DNAH1: variants seen among roughly 807,000 people sequenced by gnomAD.
The protein encoded by DNAH1 is dynein axonemal heavy chain 1.
Under a neutral mutation model 484.3 loss-of-function variants are expected in DNAH1, and 327 were observed. That is an observed-to-expected ratio of 0.68 (90% CI 0.62 to 0.74). The LOEUF (loss-of-function observed/expected upper bound fraction) is 0.74, where lower values mean the gene tolerates loss of function less well. Among genes scored for constraint, DNAH1 ranks in the 30% least tolerant of loss-of-function variants. The probability of loss-of-function intolerance (pLI) is 0.00; values close to 1 mark genes in which losing one functional copy is unlikely to be tolerated. For synonymous variants in DNAH1, 2,192 were observed against 2,191.9 expected, an observed-to-expected ratio of 1.00 and a Z score of 0.00; for missense variants, 5,052 against 5,546.8, an observed-to-expected ratio of 0.91 and a Z score of 2.83.
intron 44 of DNAH1, chr3:52,374,207 C>G: frequency 7.5e-7 from 1 of 1,336,982 alleles, no homozygotes; most frequent in Non-Finnish European, 1.1e-6. Context: ...TGAAACAGAG[C>G]ATCATAATGG....
chr3:52,378,541 C>T (rs1703702292), intron 46 of DNAH1, 61 bp from the exon 47 acceptor site: 1 of 1,567,220 alleles, frequency 6.4e-7, no homozygotes. Flanking sequence ...AGGTCAGGAC[C>T]TGCAGAGGCG....
chr3:52,337,142 C>T lies in DNAH1; in HGVS notation c.1286+4748C>T, dbSNP rs145074107. On this transcript the variant is annotated intron_variant, in intron 8 of 77. Transcript: ENST00000420323. ...TGTAGTTCTTCTAGAGATCATTTAC[C>T]TCCTTGGTTAAATGTATTCCTAGGT... 3.9e-3 allele frequency among the ~76,000 whole-genome samples: 597 copies of T among 152,276 alleles called. 5 individuals carry two copies. Among genetic ancestry groups the T allele is most frequent in the South Asian group, 0.023 (112 of 4,818 alleles).
chr3:52,395,686 G>A lies in DNAH1; in HGVS notation c.11259+8G>A, dbSNP rs749425109. The A allele has an allele frequency of 1.2e-6, 2 of 1,612,064 alleles. No individual in the cohort carries two copies. The highest frequency in any genetic ancestry group is 2.2e-5 in the East Asian group (1 of 44,814). On this transcript the variant is annotated splice_region_variant and intron_variant, in intron 70 of 77. Coordinates refer to ENST00000420323, the MANE Select transcript of DNAH1 (RefSeq NM_015512.5). The surrounding 1 kb of genome is among the most constrained non-coding windows in gnomAD (Gnocchi z 4.4). ...CACATCAACCCCGACAAGGTGTGTT[G>A]CCCTGCCCATCACAGACCCAGTGGG...
In DNAH1 at chr3:52,366,464, G is replaced by C; in HGVS notation, c.5526G>C (p.Leu1842=). 6.3e-7 allele frequency: 1 copy of C among 1,595,658 alleles called. No individual in the cohort carries two copies. The highest frequency in any genetic ancestry group is 1.1e-5 in the South Asian group (1 of 87,406). The change falls in exon 35 of 78, where the codon CTG becomes CTC. Residue 1842 remains leucine (L), a synonymous_variant. Transcript: ENST00000420323. ...CCATGCCATGTCCCCCAGGCTTCCT[G>C]ACAAAGTGCATCCAGCTCTACGAGA... The part of the protein sequence containing the change: ...NSNLKDVEGF[L]TKCIQLYETT...
At chr3:52,365,696 C>T (rs1467130803) in intron 34 of DNAH1, among the ~76,000 whole-genome samples, 1 of 152,162 alleles carries the variant, frequency 6.6e-6, no homozygotes, top group Non-Finnish European at 1.5e-5. Flanking sequence ...AAGCCATGGC[C>T]AGTCACCCTG....
chr3:52,323,959 T>C (rs1227587454), intron 3 of DNAH1, 79 bp downstream of exon 3: 4 of 1,142,364 alleles, frequency 3.5e-6, no homozygotes, highest in Non-Finnish European at 3.8e-6. Flanking sequence ...GAGACAGCCT[T>C]TTCTTGGCTG....
intron 71 of DNAH1, 33 bp from the exon 72 acceptor site, chr3:52,396,585 C>T (rs1329443431): frequency 2.5e-6 from 4 of 1,611,142 alleles, no homozygotes; most frequent in East Asian, 4.5e-5. Flanking sequence ...CCCGTCCCCG[C>T]TCCTCACCTC....
Position 52,395,126 on chromosome 3 carries a change from G to A in DNAH1, c.10968+67G>A, listed in dbSNP as rs1441199290. ...TCCCCACCCTGGGTCCCAGGGCCCT[G>A]GCTGCATCTGGATAGACTACTTGGC... is the stretch of plus-strand genomic sequence containing the variant. On this transcript the variant is annotated intron_variant, in intron 68 of 77. Coordinates refer to ENST00000420323, the MANE Select transcript of DNAH1 (RefSeq NM_015512.5). This position sits in a 1 kb window ranked among gnomAD's most constrained non-coding sequence, Gnocchi z 4.4. 1 of 1,548,682 alleles carries A rather than the reference G, an allele frequency of 6.5e-7. No homozygotes were observed. Among genetic ancestry groups the A allele is most frequent in the Admixed American group, 1.9e-5 (1 of 52,256 alleles).
At chr3:52,327,688 G>A (rs1225825713) in intron 5 of DNAH1, among the ~76,000 whole-genome samples, 194 bp from the exon 6 acceptor site, 1 of 152,176 alleles carries the variant, frequency 6.6e-6, no homozygotes, top group Non-Finnish European at 1.5e-5. Context: ...AGCAGCAGTG[G>A]AGAGGCTCAA....
Position 52,395,078 on chromosome 3 carries a change from G to T in DNAH1, c.10968+19G>T, listed in dbSNP as rs779669068. ...ACCCCAGGCAAGTGCTGGAACCCTGGCAGGACTGGCACCTTGAGCTTGTCC... is the reference window on the plus strand; with the variant it reads ...ACCCCAGGCAAGTGCTGGAACCCTGTCAGGACTGGCACCTTGAGCTTGTCC... On this transcript the variant is annotated intron_variant, in intron 68 of 77. Transcript: ENST00000420323. This position sits in a 1 kb window ranked among gnomAD's most constrained non-coding sequence, Gnocchi z 4.4. 8.8e-6 allele frequency: 14 copies of T among 1,599,652 alleles called. No homozygotes were observed. The highest frequency in any genetic ancestry group is 1.2e-5 in the Non-Finnish European group (14 of 1,173,082).
In DNAH1 at chr3:52,337,600, A is replaced by G. The variant is rs78958148; in HGVS notation, c.1286+5206A>G. On this transcript the variant is annotated intron_variant, in intron 8 of 77. Coordinates refer to ENST00000420323, the MANE Select transcript of DNAH1 (RefSeq NM_015512.5). ...AGTCATATTGCTTCATATTATAATCATTATGTGTATTGTAATATAATGCTA... is the reference window on the plus strand; with the variant it reads ...AGTCATATTGCTTCATATTATAATCGTTATGTGTATTGTAATATAATGCTA... Among the ~76,000 whole-genome samples, 648 of 152,274 alleles carry G rather than the reference A, an allele frequency of 4.3e-3. 3 individuals carry two copies. Among genetic ancestry groups the G allele is most frequent in the South Asian group, 7.3e-3 (35 of 4,820 alleles).
rs199996069 is a variant in DNAH1, at chr3:52,347,837, C to T, written c.1969C>T (p.Pro657Ser). The T allele has an allele frequency of 2.5e-6, 4 of 1,593,140 alleles. No homozygotes were observed. Among genetic ancestry groups the T allele is most frequent in the African/African-American group, 1.3e-5 (1 of 74,614 alleles). The stretch of plus-strand genomic sequence containing the variant: ...CATTGCCTGCAGGCCCCGGAAGAAT[C>T]CCCTGTTCATCATGGACCTGGTGCT... Reference protein sequence around the residue: ...INSPYRPRKNPLFIMDLVLDS... With the variant: ...INSPYRPRKNSLFIMDLVLDS... Residue 657 changes from proline to serine, a missense_variant, in exon 12 of 78, where the codon CCC becomes TCC. By Grantham distance (74) the Pro-to-Ser change is moderately conservative. Coordinates refer to ENST00000420323, the MANE Select transcript of DNAH1 (RefSeq NM_015512.5).
In DNAH1 at chr3:52,364,551, C is replaced by T; in HGVS notation, c.5245-87C>T. ...CTATGAGCTGGTGATGAGACTTGGCCAACTGCCAGGTGGGAGGCAGAGTGT... is the reference window on the plus strand; with the variant it reads ...CTATGAGCTGGTGATGAGACTTGGCTAACTGCCAGGTGGGAGGCAGAGTGT... On this transcript the variant is annotated intron_variant, in intron 32 of 77. Transcript: ENST00000420323. The surrounding 1 kb of genome is among the most constrained non-coding windows in gnomAD (Gnocchi z 4.2). 6.7e-7 allele frequency: 1 copy of T among 1,483,218 alleles called. No individual in the cohort carries two copies. Among genetic ancestry groups the T allele is most frequent in the Non-Finnish European group, 9.4e-7 (1 of 1,063,316 alleles). The allele number at this position is 1,483,218 out of a possible 1,614,324, so 91.9% of individuals were successfully genotyped here.
chr3:52,375,542 T>C, intron 45 of DNAH1, 129 bp downstream of exon 45: 1 of 975,930 alleles, frequency 1.0e-6, no homozygotes, highest in East Asian at 2.6e-5. Context: ...TGGGTTCACC[T>C]CTCACTCAGC....
chr3:52,349,789 G>A (rs536467609), intron 14 of DNAH1, among the ~76,000 whole-genome samples, 200 bp from the exon 15 acceptor site: 123 of 152,306 alleles, frequency 8.1e-4, no homozygotes, highest in African/African-American at 2.8e-3. Flanking sequence ...AGGTGTGCCG[G>A]GTCATACCCT....
At chr3:52,335,633 T>G (rs1275302298) in intron 8 of DNAH1, among the ~76,000 whole-genome samples, 1 of 142,552 alleles carries the variant, frequency 7.0e-6, no homozygotes, top group East Asian at 2.1e-4. Context: ...CCCTTTTGTT[T>G]TTTGTTTTTT....
intron 12 of DNAH1, 98 bp from the exon 13 acceptor site, chr3:52,348,789 CT>C: frequency 7.4e-7 from 1 of 1,346,930 alleles, no homozygotes; most frequent in Non-Finnish European, 1.0e-6. Context: ...CATCCTGCCC[CT>C]GCTTGCCCTG....
intron 14 of DNAH1, 53 bp from the exon 15 acceptor site, chr3:52,349,936 G>GGAA: frequency 6.4e-7 from 1 of 1,553,054 alleles, no homozygotes; most frequent in African/African-American, 1.4e-5. Context: ...AGCAGGTGAG[G>GGAA]GAAGGCAAGG....
intron 7 of DNAH1, 94 bp downstream of exon 7, chr3:52,331,403 A>G: frequency 7.2e-7 from 1 of 1,389,628 alleles, no homozygotes; most frequent in South Asian, 1.4e-5. Context: ...CTGCCAGATC[A>G]GGTCTGAATT....
Sources: gnomAD v4.1 joint callset for allele counts (sites outside exome capture counted in the v4.1 genomes callset) on GRCh38, gnomAD v4.1.1 for gene constraint, Gnocchi (gnomAD v3.1) non-coding constraint, MANE v1.5 for transcripts, NCBI Gene and HGNC (gene_info 2026-07-23, HGNC 2026-07-21) for gene names.